Variants in CAMTA1 observed in about 807,000 individuals in gnomAD.
CAMTA1 encodes calmodulin-binding transcription activator 1.
A neutral mutation model predicts 170.9 loss-of-function variants in CAMTA1; 27 were observed. That is an observed-to-expected ratio of 0.16 (90% CI 0.12 to 0.22). The LOEUF (loss-of-function observed/expected upper bound fraction) is 0.22, where lower values mean the gene tolerates loss of function less well. Ranked by LOEUF, CAMTA1 falls within the 10% of genes least tolerant of loss-of-function variation. CAMTA1 has a pLI of 1.00. For synonymous variants in CAMTA1, 833 were observed against 891.5 expected, an observed-to-expected ratio of 0.93 and a Z score of 1.17; for missense variants, 1,619 against 2,217.2, an observed-to-expected ratio of 0.73 and a Z score of 5.42.
At chr1:7,231,667 C>A (rs1345589672) in intron 4 of CAMTA1, among the ~76,000 whole-genome samples, 1 of 152,046 alleles carries the variant, frequency 6.6e-6, no homozygotes, top group African/African-American at 2.4e-5. Flanking sequence ...GACACTGCAC[C>A]CGGCCGAGAT....
At chr1:7,500,714 G>T (rs1575662403) in intron 6 of CAMTA1, among the ~76,000 whole-genome samples, 1 of 152,268 alleles carries the variant, frequency 6.6e-6, no homozygotes, top group Non-Finnish European at 1.5e-5. Flanking sequence ...GGCGTGGGCT[G>T]GCTCCGTCCA....
chr1:7,116,243 G>A (rs566488309), intron 4 of CAMTA1, among the ~76,000 whole-genome samples: 7 of 152,130 alleles, frequency 4.6e-5, no homozygotes, highest in African/African-American at 7.2e-5. Flanking sequence ...TCATTAATCA[G>A]TTAATTTTAA....
Position 7,561,014 on chromosome 1 carries a change from G to T in CAMTA1, c.511-79386G>T, listed in dbSNP as rs902578851. 6.6e-6 allele frequency among the ~76,000 whole-genome samples: 1 copy of T among 152,142 alleles called. No homozygotes were observed. Among genetic ancestry groups the T allele is most frequent in the Non-Finnish European group, 1.5e-5 (1 of 68,012 alleles). On this transcript the variant is annotated intron_variant, in intron 6 of 22. Coordinates refer to ENST00000303635, the MANE Select transcript of CAMTA1 (RefSeq NM_015215.4). This position sits in a 1 kb window ranked among gnomAD's most constrained non-coding sequence, Gnocchi z 5.3. ...CGTATGACTGTGAAGGACAGGCTGG[G>T]ACCTAGAAGCCCTGGCCCTCTGCGC...
chr1:7,291,195 G>T (rs770580749), intron 5 of CAMTA1, among the ~76,000 whole-genome samples: 26 of 152,152 alleles, frequency 1.7e-4, no homozygotes, highest in Non-Finnish European at 7.4e-5. Flanking sequence ...AGTACCCAGA[G>T]GCTGGGAAAG....
In CAMTA1 at chr1:7,385,889, C is replaced by T. The variant is rs139688828; in HGVS notation, c.439-81941C>T. 3.4e-3 allele frequency among the ~76,000 whole-genome samples: 518 copies of T among 152,292 alleles called. 1 individual carries two copies. The highest frequency in any genetic ancestry group is 5.5e-3 in the Non-Finnish European group (373 of 68,018). On this transcript the variant is annotated intron_variant, in intron 5 of 22. Coordinates refer to ENST00000303635, the MANE Select transcript of CAMTA1 (RefSeq NM_015215.4). ...ACTGGCCATTTGGTTGTGTCCAGTG[C>T]GGTGCTGAGCTTCGTTCCACATGCA...
At chr1:7,529,223 G>C (rs901607954) in intron 6 of CAMTA1, among the ~76,000 whole-genome samples, 2 of 152,204 alleles carry the variant, frequency 1.3e-5, no homozygotes, top group Non-Finnish European at 2.9e-5. Context: ...TGGCGGGGAG[G>C]AGTGGGGCAG....
At chr1:7,697,629 G>C (rs1295417225) in intron 11 of CAMTA1, among the ~76,000 whole-genome samples, 1 of 152,236 alleles carries the variant, frequency 6.6e-6, no homozygotes, top group Non-Finnish European at 1.5e-5. Flanking sequence ...GTTGCTGGCG[G>C]AATGGATGGG....
At chr1:7,142,165 C>T (rs745366862) in intron 4 of CAMTA1, 2 of 518,380 alleles carry the variant, frequency 3.9e-6, no homozygotes, top group Non-Finnish European at 7.7e-6. Context: ...GCTCTACTGC[C>T]AGCACCCTCC....
chr1:7,642,568 C>T lies in CAMTA1; in HGVS notation c.664+2015C>T, dbSNP rs2095772172. ...CCGGACACTGGGTCCTGCCTAGACC[C>T]CGCCCCAGGGGGCCTACTGATACTT... On this transcript the variant is annotated intron_variant, in intron 7 of 22. Coordinates refer to ENST00000303635, the MANE Select transcript of CAMTA1 (RefSeq NM_015215.4). This position sits in a 1 kb window ranked among gnomAD's most constrained non-coding sequence, Gnocchi z 6.3. Among the ~76,000 whole-genome samples the T allele has an allele frequency of 6.6e-6, 1 of 152,302 alleles. No individual in the cohort carries two copies. The highest frequency in any genetic ancestry group is 2.1e-4 in the South Asian group (1 of 4,830).
intron 4 of CAMTA1, among the ~76,000 whole-genome samples, chr1:7,241,427 T>C (rs1476059312): frequency 1.3e-5 from 2 of 152,220 alleles, no homozygotes. Flanking sequence ...CAGCCTTTTT[T>C]CCTCAGAAAT....
intron 5 of CAMTA1, among the ~76,000 whole-genome samples, chr1:7,250,501 G>C (rs1666468633): frequency 6.6e-6 from 1 of 152,214 alleles, no homozygotes; most frequent in Non-Finnish European, 1.5e-5. Context: ...ACGGGTCAAA[G>C]AGAGGCATTC....
chr1:6,794,880 C>CTTTTTTTTTTTTTTTTTT (rs1305335139), intron 1 of CAMTA1, among the ~76,000 whole-genome samples: 52 of 141,916 alleles, frequency 3.7e-4, no homozygotes, highest in East Asian at 1.6e-3. Context: ...TAGATAAAGG[C>CTTTTTTTTTTTTTTTTTT]TTTTTTTTTG....
chr1:7,485,146 C>T (rs1351580936), intron 6 of CAMTA1, among the ~76,000 whole-genome samples: 2 of 152,228 alleles, frequency 1.3e-5, no homozygotes, highest in Non-Finnish European at 2.9e-5. Context: ...TGCCCATCCC[C>T]AGTCCCCCAC....
At chr1:7,256,281 C>A (rs547696034) in intron 5 of CAMTA1, among the ~76,000 whole-genome samples, 1 of 151,896 alleles carries the variant, frequency 6.6e-6, no homozygotes, top group African/African-American at 2.4e-5. Context: ...AGCCCTAGGC[C>A]GGGCACGGTG....
At chr1:7,285,258 G>A (rs534540997) in intron 5 of CAMTA1, among the ~76,000 whole-genome samples, 23 of 152,328 alleles carry the variant, frequency 1.5e-4, no homozygotes, top group South Asian at 1.2e-3. Flanking sequence ...TAATTTGAGA[G>A]AAGATGGAGA....
intron 6 of CAMTA1, among the ~76,000 whole-genome samples, chr1:7,538,291 A>G (rs1400031568): frequency 6.6e-6 from 1 of 152,228 alleles, no homozygotes; most frequent in Non-Finnish European, 1.5e-5. Context: ...AGCAGACATC[A>G]GCAGGCCAGG....
At chr1:7,274,056 G>A (rs545241621) in intron 5 of CAMTA1, among the ~76,000 whole-genome samples, 1 of 152,196 alleles carries the variant, frequency 6.6e-6, no homozygotes, top group East Asian at 1.9e-4. Flanking sequence ...AGAGGAATAT[G>A]AAACAGGACA....
intron 5 of CAMTA1, among the ~76,000 whole-genome samples, chr1:7,398,124 C>T (rs1575110254): frequency 7.1e-6 from 1 of 141,704 alleles, no homozygotes; most frequent in South Asian, 2.2e-4. Context: ...CAATCTATCT[C>T]TTCCTTCAGA....
rs78954381 is a variant in CAMTA1, at chr1:7,748,698, T to C, written c.4689+917T>C. Among the ~76,000 whole-genome samples, 1,028 of 152,306 alleles carry C rather than the reference T, an allele frequency of 6.7e-3. 13 individuals are homozygous for C. The highest frequency in any genetic ancestry group is 0.024 in the African/African-American group (985 of 41,566). ...TGGCCATTTTCCTTTCAGCTTCTTA[T>C]CCATTTTAAAATGAAGAATTGTTAA... On this transcript the variant is annotated intron_variant, in intron 19 of 22. Coordinates refer to ENST00000303635, the MANE Select transcript of CAMTA1 (RefSeq NM_015215.4). This position sits in a 1 kb window ranked among gnomAD's most constrained non-coding sequence, Gnocchi z 4.7.
Sources: allele counts gnomAD v4.1 joint callset (sites outside exome capture counted in the v4.1 genomes callset), GRCh38; gene constraint gnomAD v4.1.1; non-coding constraint Gnocchi (gnomAD v3.1); transcripts MANE v1.5; gene names NCBI Gene and HGNC (gene_info 2026-07-23, HGNC 2026-07-21).